Variants in NUP37 observed in about 807,000 individuals in gnomAD.
NUP37 encodes the protein nucleoporin Nup37.
A neutral mutation model predicts 45.4 loss-of-function variants in NUP37; 33 were observed. That is an observed-to-expected ratio of 0.73 (90% CI 0.55 to 0.97). The LOEUF is 0.97. Ranked by LOEUF, NUP37 falls within the 50% of genes least tolerant of loss-of-function variation. The probability of loss-of-function intolerance (pLI) is 0.00; values close to 1 mark genes in which losing one functional copy is unlikely to be tolerated. For synonymous variants in NUP37, 127 were observed against 130.7 expected (o/e 0.97, Z 0.19); for missense variants, 365 against 389.7 (o/e 0.94, Z 0.53).
At chr12:102,095,523 T>C (rs1476154113) in intron 5 of NUP37, among the ~76,000 whole-genome samples, 2 of 152,048 alleles carry the variant, frequency 1.3e-5, no homozygotes, top group African/African-American at 4.8e-5. Flanking sequence ...GTGTAGAATA[T>C]AAGGCTGAAT....
intron 3 of NUP37, among the ~76,000 whole-genome samples, chr12:102,101,655 C>T (rs981646377): frequency 2.6e-5 from 4 of 152,082 alleles, no homozygotes; most frequent in African/African-American, 9.7e-5. Flanking sequence ...ATACTTTAAA[C>T]ATTTAAAACA....
chr12:102,090,782 C>T (rs898345525), intron 5 of NUP37, among the ~76,000 whole-genome samples: 1 of 152,042 alleles, frequency 6.6e-6, no homozygotes, highest in Non-Finnish European at 1.5e-5. Context: ...TCAATGGACT[C>T]ATAACCTAAG....
intron 5 of NUP37, among the ~76,000 whole-genome samples, chr12:102,088,735 A>G (rs545558706): frequency 3.9e-4 from 55 of 140,616 alleles, no homozygotes; most frequent in African/African-American, 1.3e-3. Flanking sequence ...GTATTTATTG[A>G]ACATTCTTGG....
intron 5 of NUP37, 121 bp downstream of exon 5, chr12:102,098,985 T>C (rs1879894449): frequency 2.7e-6 from 2 of 733,568 alleles, no homozygotes; most frequent in African/African-American, 1.8e-5. Flanking sequence ...AAATAAGGTA[T>C]GCTTCTTTTA....
chr12:102,081,366 G>A (rs888261049), intron 6 of NUP37, among the ~76,000 whole-genome samples: 3 of 152,170 alleles, frequency 2.0e-5, no homozygotes, highest in African/African-American at 7.2e-5. Context: ...AAGTAAGTTT[G>A]GGAGTAGCTG....
At chr12:102,084,821 C>T (rs1428591101) in intron 6 of NUP37, among the ~76,000 whole-genome samples, 1 of 151,936 alleles carries the variant, frequency 6.6e-6, no homozygotes, top group Non-Finnish European at 1.5e-5. Flanking sequence ...ATTGTAGTAA[C>T]TTCTCAGATT....
chr12:102,077,860 T>C (rs1332712532), intron 6 of NUP37, among the ~76,000 whole-genome samples: 1 of 152,226 alleles, frequency 6.6e-6, no homozygotes, highest in Non-Finnish European at 1.5e-5. Flanking sequence ...CTCATGTATA[T>C]GCAAATATTA....
chr12:102,107,052 A>C (rs1385324987), intron 3 of NUP37, among the ~76,000 whole-genome samples: 3 of 152,126 alleles, frequency 2.0e-5, no homozygotes, highest in Non-Finnish European at 2.9e-5. Flanking sequence ...CTGCTATATA[A>C]ACCCCTAATT....
chr12:102,087,258 T>C (rs1879498148), intron 5 of NUP37, among the ~76,000 whole-genome samples: 1 of 152,218 alleles, frequency 6.6e-6, no homozygotes, highest in Non-Finnish European at 1.5e-5. Flanking sequence ...TAGGCAAAAA[T>C]TTATTTCAAA....
In NUP37 at chr12:102,093,827, G is replaced by A. The variant is rs547735699; in HGVS notation, c.449+5279C>T. Among the ~76,000 whole-genome samples the A allele has an allele frequency of 1.1e-4, 17 of 152,026 alleles. No homozygotes were observed. In the East Asian group the frequency reaches 3.1e-3, roughly 28 times the overall value. On this transcript the variant is annotated intron_variant, in intron 5 of 9. Transcript: ENST00000552283. ...AATCCACTTACTGTAACCACATGAG[G>A]GCCACATAAAGCAAGCTTAAATTAC... is the stretch of plus-strand genomic sequence containing the variant.
At chr12:102,088,066 G>A (rs1190211186) in intron 5 of NUP37, among the ~76,000 whole-genome samples, 1 of 152,084 alleles carries the variant, frequency 6.6e-6, no homozygotes, top group Non-Finnish European at 1.5e-5. Flanking sequence ...AATGATTTAT[G>A]GTTTATAATT....
intron 2 of NUP37, among the ~76,000 whole-genome samples, chr12:102,116,973 G>A (rs936259764): frequency 4.6e-5 from 7 of 152,314 alleles, no homozygotes; most frequent in African/African-American, 1.7e-4. Flanking sequence ...CTGCACTCCA[G>A]CCTGGATGAC....
chr12:102,110,357 C>T (rs548991517), intron 3 of NUP37, among the ~76,000 whole-genome samples: 4 of 148,312 alleles, frequency 2.7e-5, no homozygotes, highest in African/African-American at 7.5e-5. Flanking sequence ...AAAAATTAGC[C>T]GGGAGTGGTG....
At chr12:102,112,535 G>A (rs1347125816) in intron 2 of NUP37, among the ~76,000 whole-genome samples, 1 of 152,112 alleles carries the variant, frequency 6.6e-6, no homozygotes, top group Non-Finnish European at 1.5e-5. Context: ...GTTGGCTCAC[G>A]TCTATAATCC....
chr12:102,093,382 G>A (rs1192980457), intron 5 of NUP37, among the ~76,000 whole-genome samples: 1 of 152,006 alleles, frequency 6.6e-6, no homozygotes, highest in Non-Finnish European at 1.5e-5. Flanking sequence ...GGCTGTCTCA[G>A]AGGAGAATTA....
At chr12:102,086,914 T>A (rs1355545726) in intron 5 of NUP37, among the ~76,000 whole-genome samples, 2 of 152,110 alleles carry the variant, frequency 1.3e-5, no homozygotes, top group African/African-American at 4.8e-5. Flanking sequence ...TGAAACTTCG[T>A]CTCTACAAAA....
At chr12:102,075,695 T>C (rs779566516) in intron 8 of NUP37, among the ~76,000 whole-genome samples, 22 of 152,104 alleles carry the variant, frequency 1.4e-4, no homozygotes, top group Non-Finnish European at 2.5e-4. Context: ...AAAGGGGTAA[T>C]AGTGTGGTAG....
At chr12:102,107,668 A>G (rs1277284247) in intron 3 of NUP37, among the ~76,000 whole-genome samples, 1 of 152,186 alleles carries the variant, frequency 6.6e-6, no homozygotes, top group African/African-American at 2.4e-5. Flanking sequence ...GAAATACTAC[A>G]TAGTAATAAA....
chr12:102,076,828 G>A lies in NUP37; in HGVS notation c.742C>T (p.Pro248Ser). Residue 248 changes from proline to serine, a missense_variant, in exon 8 of 10, where the codon CCT (proline) becomes TCT (serine). Coordinates refer to ENST00000552283, the MANE Select transcript of NUP37 (RefSeq NM_024057.4). ...AAGCAGGCTCGATCCATGTGAACAG[G>A]TCTCTTATTTTGAGGATAACTAAAA... ...TRSSYPQNKR[P>S]VHMDRACLFR... 6.2e-7 allele frequency: 1 copy of A among 1,613,112 alleles called. No homozygotes were observed. Among genetic ancestry groups the A allele is most frequent in the Non-Finnish European group, 8.5e-7 (1 of 1,179,366 alleles).
Sources: gnomAD v4.1 joint callset for allele counts (sites outside exome capture counted in the v4.1 genomes callset) on GRCh38, gnomAD v4.1.1 for gene constraint, MANE v1.5 for transcripts, NCBI Gene and HGNC (gene_info 2026-07-23, HGNC 2026-07-21) for gene names.